AQP2: variants seen among roughly 807,000 people sequenced by gnomAD.
AQP2 encodes aquaporin 2, also known as aquaporin-2.
In AQP2, 20 loss-of-function variants were observed where a neutral mutation model predicts 21.6. The observed-to-expected ratio is 0.92, with a 90% CI of 0.65 to 1.34. The LOEUF is 1.34. AQP2 is among the 40% of genes most tolerant of loss of function. The pLI, the probability that AQP2 is intolerant of heterozygous loss-of-function variation, is 0.00. For missense variants in AQP2, 325 were observed against 363.4 expected, an observed-to-expected ratio of 0.89 and a Z score of 0.86; for synonymous variants, 168 against 166.9, an observed-to-expected ratio of 1.01 and a Z score of -0.05.
Position 49,954,304 on chromosome 12 carries a change from G to C in AQP2, c.510G>C (p.Leu170=), listed in dbSNP as rs1314644595. The change falls in exon 2 of 4, where the codon CTG becomes CTC. Residue 170 remains leucine (L), a synonymous_variant. Coordinates refer to ENST00000199280, the MANE Select transcript of AQP2 (RefSeq NM_000486.6). ...TCTCCATAGGCTTCTCTGTGGCCCT[G>C]GGCCACCTCCTTGGGGTAGGTCATG... is the stretch of plus-strand genomic sequence containing the variant. ...PALSIGFSVA[L]GHLLGIHYTG... 3.7e-6 allele frequency: 6 copies of C among 1,609,078 alleles called. No individual in the cohort carries two copies. The highest frequency in any genetic ancestry group is 4.2e-6 in the Non-Finnish European group (5 of 1,179,674).
Position 49,956,008 on chromosome 12 carries a change from GT to G in AQP2, c.*401del. 2.8e-6 allele frequency: 1 copy of G among 356,418 alleles called. No homozygotes were observed. The highest frequency in any genetic ancestry group is 2.9e-5 in the South Asian group (1 of 34,590). 22.1% of individuals were successfully genotyped at this position (356,418 alleles called of 1,614,324 possible). A position where few individuals can be genotyped will look rare whatever the true frequency, so the allele number is the denominator to read the frequency against. On this transcript the variant is annotated 3_prime_UTR_variant, in exon 4 of 4. Coordinates refer to ENST00000199280, the MANE Select transcript of AQP2 (RefSeq NM_000486.6). ...GGGAATGATGCAACTGGTTTTACTA[GT>G]GTGCAAGTGTGTTCATCCCCAAGTT...
rs539657032 is a variant in AQP2 at position 49,955,634 on chromosome 12, C to A, written c.*26C>A. ...GGGCCGCCAGCGGCCTCTACGGCCC[C>A]GACGGACGCTTGTGAGGCCCGAGGC... On this transcript the variant is annotated 3_prime_UTR_variant, in exon 4 of 4. Coordinates refer to ENST00000199280, the MANE Select transcript of AQP2 (RefSeq NM_000486.6). The A allele has an allele frequency of 1.3e-6, 2 of 1,537,100 alleles. No individual in the cohort carries two copies. Among genetic ancestry groups the A allele is most frequent in the East Asian group, 2.4e-5 (1 of 41,054 alleles).
At position 49,951,171 on chromosome 12, in the gene AQP2, G is replaced by T. The variant is rs777600378; in HGVS notation, c.341G>T (p.Gly114Val). The T allele has an allele frequency of 6.2e-7, 1 of 1,605,924 alleles. No homozygotes were observed. The highest frequency in any genetic ancestry group is 1.1e-5 in the South Asian group (1 of 89,858). The change falls in exon 1 of 4, where the codon GGG becomes GTG. Residue 114 changes from glycine to valine, a missense_variant. Physicochemically the swap from Gly to Val is moderately radical, Grantham distance 109. Transcript: ENST00000199280. Reference sequence around the variant, plus strand: ...GAGATCACGCCAGCAGACATCCGCGGGGACCTGGCTGTCAATGCTGTGAGT... The same window carrying T: ...GAGATCACGCCAGCAGACATCCGCGTGGACCTGGCTGTCAATGCTGTGAGT... ...LHEITPADIR[G>V]DLAVNALSNS...
In AQP2 at chr12:49,953,235, C is replaced by A. The variant is rs184792495; in HGVS notation, c.361-920C>A. 3.5e-4 allele frequency among the ~76,000 whole-genome samples: 54 copies of A among 152,292 alleles called. 1 individual carries two copies. The highest frequency in any genetic ancestry group is 3.3e-4 in the Admixed American group (5 of 15,286). On this transcript the variant is annotated intron_variant, in intron 1 of 3. Transcript: ENST00000199280. The stretch of plus-strand genomic sequence containing the variant: ...CCTAGAGAGACCCAAGGGTTCTGAC[C>A]TGATGTCTCGGACCCAGGGGTGGGG...
intron 1 of AQP2, among the ~76,000 whole-genome samples, chr12:49,952,453 C>A (rs954146425): frequency 6.6e-6 from 1 of 152,232 alleles, no homozygotes; most frequent in East Asian, 1.9e-4. Context: ...GGGCCAGGGG[C>A]CAAGGAAAGG....
rs1438764427 is a variant in AQP2, at chr12:49,950,759, AGAGTGCGAGAGC to A, written c.-65_-54del. On this transcript the variant is annotated 5_prime_UTR_variant, in exon 1 of 4. Transcript: ENST00000199280. ...CAGAGGCCTTGAGAAAGAGAGCGAT[AGAGTGCGAGAGC>A]GAGTGCCCGGAGCATCCTGGCCCTG... 2.6e-6 allele frequency: 4 copies of A among 1,557,482 alleles called. No individual in the cohort carries two copies. The African/African-American group carries it at 5.4e-5, about 21-fold the overall frequency.
intron 1 of AQP2, among the ~76,000 whole-genome samples, chr12:49,953,716 C>T (rs1471297105): frequency 4.6e-5 from 7 of 152,208 alleles, no homozygotes; most frequent in African/African-American, 1.7e-4. Context: ...GGAAGAAAGA[C>T]CACAGGCCTC....
chr12:49,954,780 T>A, intron 3 of AQP2, 70 bp downstream of exon 3: 1 of 1,525,294 alleles, frequency 6.6e-7, no homozygotes, highest in East Asian at 2.3e-5. Context: ...AGAGCTGGAA[T>A]AGCATGGGAT....
chr12:49,954,126 T>A, intron 1 of AQP2, 29 bp from the exon 2 acceptor site: 2 of 1,597,284 alleles, frequency 1.3e-6, no homozygotes, highest in Non-Finnish European at 1.7e-6. Context: ...GGCTCAGTGT[T>A]CCCCTACCCG....
At chr12:49,952,246 A>G (rs1199948317) in intron 1 of AQP2, among the ~76,000 whole-genome samples, 1 of 151,858 alleles carries the variant, frequency 6.6e-6, no homozygotes, top group Non-Finnish European at 1.5e-5. Flanking sequence ...TCAGCCTCCC[A>G]TGGGATTACA....
In AQP2 at chr12:49,954,108, G is replaced by A. The variant is rs1189111360; in HGVS notation, c.361-47G>A. 2.5e-6 allele frequency: 4 copies of A among 1,596,264 alleles called. 1 individual carries two copies. The highest frequency in any genetic ancestry group is 3.3e-5 in the Admixed American group (2 of 60,018). On this transcript the variant is annotated intron_variant, in intron 1 of 3. Coordinates refer to ENST00000199280, the MANE Select transcript of AQP2 (RefSeq NM_000486.6). ...GTGGACAGGAAGATGGAGCCAGAGA[G>A]GAAAGTGGGCTCAGTGTTCCCCTAC...
chr12:49,955,861 G>A lies in AQP2; in HGVS notation c.*253G>A. On this transcript the variant is annotated 3_prime_UTR_variant, in exon 4 of 4. Coordinates refer to ENST00000199280, the MANE Select transcript of AQP2 (RefSeq NM_000486.6). ...GGTGGCTTCTCCAGCCTTTTTCAGG[G>A]AACTGGGAACTTAGGGGACTGAGCT... 2 of 648,954 alleles carry A rather than the reference G, an allele frequency of 3.1e-6. No individual in the cohort carries two copies. The highest frequency in any genetic ancestry group is 3.4e-5 in the South Asian group (2 of 58,418). 40.2% of individuals were successfully genotyped at this position (648,954 alleles called of 1,614,324 possible). A position where few individuals can be genotyped will look rare whatever the true frequency, so the allele number is the denominator to read the frequency against.
intron 1 of AQP2, chr12:49,952,172 A>C (rs1947335142): frequency 6.6e-6 from 1 of 152,318 alleles, no homozygotes; most frequent in Non-Finnish European, 1.5e-5. Flanking sequence ...TCTATTGCCC[A>C]GGCTGGAGTG....
In AQP2 at chr12:49,954,296, G is replaced by A. The variant is rs755694590; in HGVS notation, c.502G>A (p.Val168Met). Residue 168 changes from valine (V) to methionine (M), a missense_variant, in exon 2 of 4, where the codon GTG becomes ATG. Physicochemically the swap from Val to Met is conservative, Grantham distance 21 (BLOSUM62 1). Transcript: ENST00000199280. ...CCCTGCTCTCTCCATAGGCTTCTCT[G>A]TGGCCCTGGGCCACCTCCTTGGGGT... ...GTPALSIGFS[V>M]ALGHLLGIHY... The A allele has an allele frequency of 1.2e-5, 20 of 1,609,004 alleles. No individual in the cohort carries two copies. In the Admixed American group the frequency reaches 2.2e-4, roughly 17 times the overall value.
At chr12:49,953,409 A>G (rs1482900373) in intron 1 of AQP2, among the ~76,000 whole-genome samples, 1 of 151,906 alleles carries the variant, frequency 6.6e-6, no homozygotes, top group African/African-American at 2.4e-5. Flanking sequence ...TTATGAAATC[A>G]CCTCTTTACT....
Position 49,956,069 on chromosome 12 carries a change from CCT to C in AQP2, c.*462_*463del, listed in dbSNP as rs1376481298. On this transcript the variant is annotated 3_prime_UTR_variant, in exon 4 of 4. Transcript: ENST00000199280. ...CCTCACATGCAGAGTTGTGCATGCC[CCT>C]GAGTGTGAACAGGTTTGCCTACGTT... is the stretch of plus-strand genomic sequence containing the variant. The C allele has an allele frequency of 8.1e-6, 2 of 246,840 alleles. No individual in the cohort carries two copies. Among genetic ancestry groups the C allele is most frequent in the Admixed American group, 5.0e-5 (1 of 19,814 alleles). 15.3% of individuals were successfully genotyped at this position (246,840 alleles called of 1,614,324 possible). A position where few individuals can be genotyped will look rare whatever the true frequency, so the allele number is the denominator to read the frequency against.
rs1200597910 is a variant in AQP2 at position 49,955,709 on chromosome 12, C to G, written c.*101C>G. On this transcript the variant is annotated 3_prime_UTR_variant, in exon 4 of 4. Transcript: ENST00000199280. ...CTCCCGCAGGTCTGAAGTTGGCCCC[C>G]CAGCGCAGAGTAGCTGCTTCCTGGA... 44 of 1,414,810 alleles carry G rather than the reference C, an allele frequency of 3.1e-5. No individual in the cohort carries two copies. The highest frequency in any genetic ancestry group is 4.2e-5 in the Non-Finnish European group (44 of 1,039,810). The allele number at this position is 1,414,810 out of a possible 1,614,324, so 87.6% of individuals were successfully genotyped here.
At chr12:49,952,689 G>C (rs1032798837) in intron 1 of AQP2, among the ~76,000 whole-genome samples, 2 of 152,182 alleles carry the variant, frequency 1.3e-5, no homozygotes, top group African/African-American at 4.8e-5. Context: ...AGAAAGGTCT[G>C]GGAGGGCTCC....
rs1231413122 is a variant in AQP2, at chr12:49,956,393, C to T, written c.*785C>T. On this transcript the variant is annotated 3_prime_UTR_variant, in exon 4 of 4. Transcript: ENST00000199280. ...AGAGAACAGCTCCCCTAGACATGGC[C>T]TCTGGAAAAAGGAAATCTTTGGTGG... The T allele has an allele frequency of 1.3e-5, 2 of 152,162 alleles. No individual in the cohort carries two copies. Among genetic ancestry groups the T allele is most frequent in the Non-Finnish European group, 2.9e-5 (2 of 68,048 alleles). The allele number at this position is 152,162 out of a possible 1,614,324, so 9.4% of individuals were successfully genotyped here.
Sources: gnomAD v4.1 joint callset for allele counts (sites outside exome capture counted in the v4.1 genomes callset) on GRCh38, gnomAD v4.1.1 for gene constraint, MANE v1.5 for transcripts, NCBI Gene and HGNC (gene_info 2026-07-23, HGNC 2026-07-21) for gene names.